Variants in RBFOX1 observed in about 807,000 individuals in gnomAD.
RBFOX1 encodes RNA binding protein fox-1 homolog 1.
RBFOX1 carries 8 observed loss-of-function variants against 57.7 expected under a neutral mutation model. That is an observed-to-expected ratio of 0.14 (90% CI 0.08 to 0.25). RBFOX1 has a LOEUF of 0.25. Among genes scored for constraint, RBFOX1 ranks in the 10% least tolerant of loss-of-function variants. RBFOX1 has a pLI of 1.00. For synonymous variants in RBFOX1, 326 were observed against 222.4 expected (o/e 1.47, Z -4.15); for missense variants, 611 against 548.5 (o/e 1.11, Z -1.14).
At chr16:7,358,158 C>G (rs564809441) in intron 4 of RBFOX1, among the ~76,000 whole-genome samples, 2 of 152,276 alleles carry the variant, frequency 1.3e-5, no homozygotes, top group East Asian at 1.9e-4. Context: ...AATTGTGTAT[C>G]TGTTATCATC....
chr16:6,708,287 A>AAC (rs138742593), intron 3 of RBFOX1, among the ~76,000 whole-genome samples: 81,003 of 142,946 alleles, frequency 0.57, 23,823 homozygotes, highest in Middle Eastern at 0.81. Context: ...AGCATTTTTG[A>AAC]ACACACACAC....
chr16:6,794,280 A>ATTTTTT (rs372963833), intron 3 of RBFOX1, among the ~76,000 whole-genome samples: 17 of 125,198 alleles, frequency 1.4e-4, no homozygotes, highest in South Asian at 1.1e-3. Flanking sequence ...CTTGTTCGTG[A>ATTTTTT]TTTTTTTTTT....
Position 5,558,867 on chromosome 16 carries a change from G to C in RBFOX1, c.259-40035G>C, listed in dbSNP as rs1325733651. ...GGAGTTCTCAAAGGTCCACGTACAAGAGAGACACCTGGAGAACTTGTTAAA... is the reference window on the plus strand; with the variant it reads ...GGAGTTCTCAAAGGTCCACGTACAACAGAGACACCTGGAGAACTTGTTAAA... On this transcript the variant is annotated intron_variant, in intron 2 of 2. Coordinates refer to the RBFOX1 transcript ENST00000585867. Among the ~76,000 whole-genome samples, 5 of 152,166 alleles carry C rather than the reference G, an allele frequency of 3.3e-5. No individual in the cohort carries two copies. The East Asian group carries it at 9.7e-4, about 29-fold the overall frequency.
At chr16:6,672,582 T>C (rs909646621) in intron 3 of RBFOX1, among the ~76,000 whole-genome samples, 40 of 152,132 alleles carry the variant, frequency 2.6e-4, no homozygotes, top group African/African-American at 9.6e-4. Flanking sequence ...AAATTCTGTT[T>C]ATGTGACAGA....
chr16:6,230,873 T>A (rs1179854324), intron 1 of RBFOX1, among the ~76,000 whole-genome samples: 1 of 152,196 alleles, frequency 6.6e-6, no homozygotes, highest in Non-Finnish European at 1.5e-5. Flanking sequence ...GATGATTCAC[T>A]CACTGACTGT....
intron 1 of RBFOX1, among the ~76,000 whole-genome samples, chr16:6,081,813 T>C (rs760476647): frequency 3.1e-4 from 47 of 152,270 alleles, no homozygotes; most frequent in Non-Finnish European, 6.6e-4. Flanking sequence ...GTTGGTAGAT[T>C]CCAGCTACCT....
intron 3 of RBFOX1, among the ~76,000 whole-genome samples, chr16:5,858,681 C>G (rs940466315): frequency 3.3e-5 from 5 of 152,168 alleles, no homozygotes; most frequent in Admixed American, 3.3e-4. Flanking sequence ...AAACCTTGTG[C>G]GTTTTCTAGA....
chr16:6,211,545 G>C (rs1389270156), intron 1 of RBFOX1, among the ~76,000 whole-genome samples: 2 of 152,020 alleles, frequency 1.3e-5, no homozygotes, highest in Non-Finnish European at 1.5e-5. Context: ...TTAACTCTTG[G>C]TCTTCTACAT....
intron 2 of RBFOX1, among the ~76,000 whole-genome samples, chr16:6,385,200 C>T (rs898613556): frequency 6.6e-6 from 1 of 152,130 alleles, no homozygotes; most frequent in African/African-American, 2.4e-5. Flanking sequence ...GCTGGTTGAG[C>T]CAAGCTTTTT....
intron 4 of RBFOX1, among the ~76,000 whole-genome samples, chr16:7,183,729 A>C (rs1403052297): frequency 6.6e-6 from 1 of 152,204 alleles, no homozygotes; most frequent in Non-Finnish European, 1.5e-5. Context: ...GCTAGTTCTT[A>C]GGCTTACTGT....
intron 14 of RBFOX1, among the ~76,000 whole-genome samples, chr16:7,702,691 G>A (rs926229239): frequency 3.3e-5 from 5 of 152,124 alleles, no homozygotes; most frequent in Non-Finnish European, 5.9e-5. Context: ...CAGCCCCTGA[G>A]AATTGCTGAA....
intron 3 of RBFOX1, among the ~76,000 whole-genome samples, chr16:5,695,554 T>G (rs963870703): frequency 1.3e-5 from 2 of 152,172 alleles, no homozygotes; most frequent in Admixed American, 1.3e-4. Flanking sequence ...TCAAAATAAT[T>G]GGTCAATCTT....
intron 10 of RBFOX1, among the ~76,000 whole-genome samples, chr16:7,621,781 A>G (rs1243357065): frequency 6.6e-6 from 1 of 152,220 alleles, no homozygotes; most frequent in Non-Finnish European, 1.5e-5. Context: ...TTTTGCAAGC[A>G]GTAAAGGGAT....
chr16:6,299,747 T>G (rs543540081), intron 1 of RBFOX1, among the ~76,000 whole-genome samples: 19 of 152,316 alleles, frequency 1.2e-4, no homozygotes, highest in Non-Finnish European at 2.6e-4. Flanking sequence ...TGGCGTCTGC[T>G]GGGTCTCAGT....
At chr16:6,157,102 T>C (rs2096843858) in intron 1 of RBFOX1, among the ~76,000 whole-genome samples, 1 of 152,124 alleles carries the variant, frequency 6.6e-6, no homozygotes, top group Non-Finnish European at 1.5e-5. Flanking sequence ...CCCAAAGCGC[T>C]GGGATTAGAG....
intron 2 of RBFOX1, among the ~76,000 whole-genome samples, chr16:6,412,464 A>G (rs1395616988): frequency 6.6e-6 from 1 of 152,180 alleles, no homozygotes; most frequent in East Asian, 1.9e-4. Context: ...GGACCCCTAT[A>G]TGCCTTTCAA....
chr16:5,637,965 A>G (rs2048737674), intron 3 of RBFOX1, among the ~76,000 whole-genome samples: 1 of 152,192 alleles, frequency 6.6e-6, no homozygotes, highest in Non-Finnish European at 1.5e-5. Flanking sequence ...GTTCTCAAGT[A>G]TTTCTACTCT....
At chr16:7,262,823 T>C (rs954534593) in intron 4 of RBFOX1, among the ~76,000 whole-genome samples, 20 of 152,356 alleles carry the variant, frequency 1.3e-4, no homozygotes, top group Admixed American at 9.1e-4. Flanking sequence ...AGTGCTGAAA[T>C]GTGGCTGACT....
intron 3 of RBFOX1, among the ~76,000 whole-genome samples, chr16:6,656,993 C>T (rs377694655): frequency 0.013 from 1,408 of 107,250 alleles, 5 homozygotes; most frequent in Non-Finnish European, 0.017. Context: ...CTCTCCTCTC[C>T]TCCCCTTTCC....
Sources: gnomAD v4.1 joint callset for allele counts (sites outside exome capture counted in the v4.1 genomes callset) on GRCh38, gnomAD v4.1.1 for gene constraint, MANE v1.5 for transcripts, NCBI Gene and HGNC (gene_info 2026-07-23, HGNC 2026-07-21) for gene names.